Variants in MLXIPL observed in about 807,000 individuals in gnomAD.
The protein encoded by MLXIPL is MLX interacting protein like, also known as carbohydrate-responsive element-binding protein.
MLXIPL carries 49 observed loss-of-function variants against 81.5 expected under a neutral mutation model. The ratio of observed to expected loss-of-function variants is 0.60; its 90% CI spans 0.48 to 0.76. MLXIPL has a LOEUF of 0.76. Ranked by LOEUF, MLXIPL falls within the 30% of genes least tolerant of loss-of-function variation. The pLI is 0.00. For missense variants in MLXIPL, 1,053 were observed against 1,167.0 expected, an observed-to-expected ratio of 0.90 and a Z score of 1.42; for synonymous variants, 466 against 485.5, an observed-to-expected ratio of 0.96 and a Z score of 0.53.
At chr7:73,606,412 T>C in intron 5 of MLXIPL, 1 of 461,004 alleles carries the variant, frequency 2.2e-6, no homozygotes, top group Non-Finnish European at 3.8e-6. Flanking sequence ...TTTTTGTTTG[T>C]TTTCTTTTTC....
At chr7:73,647,413 C>T in the MLXIPL span, among the ~76,000 whole-genome samples, 66 of 152,292 alleles carry the variant, frequency 4.3e-4, no homozygotes, top group African/African-American at 1.5e-3. Flanking sequence ...CCTCCTGACT[C>T]CCTGGGCCCC....
the MLXIPL span, among the ~76,000 whole-genome samples, chr7:73,633,204 C>T: frequency 4.6e-5 from 7 of 151,558 alleles, no homozygotes; most frequent in Non-Finnish European, 1.0e-4. Context: ...CCTCAGCCTC[C>T]CGAGTAGCTG....
intron 15 of MLXIPL, among the ~76,000 whole-genome samples, chr7:73,595,049 T>C (rs1794162596): frequency 6.6e-6 from 1 of 152,138 alleles, no homozygotes; most frequent in East Asian, 1.9e-4. Context: ...TTTTGCCATG[T>C]TGGCCAGTCT....
chr7:73,595,761 C>T lies in MLXIPL; in HGVS notation c.2187-1G>A, dbSNP rs1794230774. ...GGCGGGCAGCTGCTGCTGGCACAGG[C>T]TGGGGGCAGGGCAGGGGTCAGGGGC... On this transcript the variant is annotated splice_acceptor_variant, in intron 14 of 16. Transcript: ENST00000313375. LOFTEE classifies it high-confidence loss of function. 6.3e-7 allele frequency: 1 copy of T among 1,593,134 alleles called. No individual in the cohort carries two copies. The highest frequency in any genetic ancestry group is 1.1e-5 in the South Asian group (1 of 89,170).
At chr7:73,644,848 A>G in the MLXIPL span, among the ~76,000 whole-genome samples, 1 of 152,148 alleles carries the variant, frequency 6.6e-6, no homozygotes, top group African/African-American at 2.4e-5. Context: ...CCCCTGCTGG[A>G]TAACTGGCCC....
the MLXIPL span, among the ~76,000 whole-genome samples, chr7:73,645,411 G>T: frequency 6.6e-6 from 1 of 152,080 alleles, no homozygotes; most frequent in East Asian, 1.9e-4. Flanking sequence ...CTTGTTGGGG[G>T]CCCCCTTCTC....
chr7:73,606,378 G>T, intron 5 of MLXIPL: 3 of 521,504 alleles, frequency 5.8e-6, no homozygotes, highest in Non-Finnish European at 6.8e-6. Flanking sequence ...TGGGACCCCA[G>T]TTCTTTGGTC....
At chr7:73,616,298 T>G (rs901046415) in intron 1 of MLXIPL, 121 bp from the exon 2 acceptor site, 3 of 860,810 alleles carry the variant, frequency 3.5e-6, no homozygotes, top group African/African-American at 1.6e-5. Flanking sequence ...CCTCCAAATC[T>G]GGCCCCCCAA....
intron 15 of MLXIPL, among the ~76,000 whole-genome samples, chr7:73,595,068 A>T (rs1554593184): frequency 6.8e-6 from 1 of 147,856 alleles, no homozygotes; most frequent in African/African-American, 2.5e-5. Flanking sequence ...CTGGTCTTGA[A>T]CTCCTGGCCT....
the MLXIPL span, among the ~76,000 whole-genome samples, chr7:73,633,941 G>A: frequency 2.0e-5 from 3 of 152,262 alleles, no homozygotes; most frequent in South Asian, 2.1e-4. Flanking sequence ...TCAGGCCTAC[G>A]GAAGGACTTG....
the MLXIPL span, among the ~76,000 whole-genome samples, chr7:73,645,787 G>C: frequency 1.3e-5 from 2 of 152,162 alleles, no homozygotes; most frequent in African/African-American, 4.8e-5. Context: ...TTGGAGCCAA[G>C]ATGCTTGGGT....
chr7:73,601,174 CAA>C (rs1794787692), intron 7 of MLXIPL, among the ~76,000 whole-genome samples: 1 of 114,626 alleles, frequency 8.7e-6, no homozygotes, highest in Non-Finnish European at 1.9e-5. Flanking sequence ...ACTGCAGGGT[CAA>C]GTGTGTGTGT....
intron 7 of MLXIPL, among the ~76,000 whole-genome samples, chr7:73,600,011 C>T (rs1259980618): frequency 6.6e-6 from 1 of 151,984 alleles, no homozygotes; most frequent in African/African-American, 2.4e-5. Flanking sequence ...CCCCTCCCCA[C>T]CCCCTGGTGG....
At chr7:73,644,937 G>C in the MLXIPL span, among the ~76,000 whole-genome samples, 6 of 152,178 alleles carry the variant, frequency 3.9e-5, no homozygotes, top group Non-Finnish European at 8.8e-5. Flanking sequence ...CTCGCCCAAA[G>C]TCACACTGCT....
chr7:73,602,412 T>C (rs1415242391), intron 7 of MLXIPL, among the ~76,000 whole-genome samples: 2 of 151,178 alleles, frequency 1.3e-5, no homozygotes, highest in African/African-American at 4.9e-5. Context: ...GGCTCACGCC[T>C]GTAATCCCAG....
Position 73,595,896 on chromosome 7 carries a change from T to C in MLXIPL, c.2132A>G (p.Gln711Arg). 1 of 1,613,014 alleles carries C rather than the reference T, an allele frequency of 6.2e-7. No homozygotes were observed. The highest frequency in any genetic ancestry group is 8.5e-7 in the Non-Finnish European group (1 of 1,179,808). ...LMLQQERAGL[Q>R]EEAQQLRDEI... ...ATCCCGCAGCTGCTGGGCCTCCTCCTGCAAGCCCGCACGCTCCTGCTGTAG... is the reference window on the plus strand; with the variant it reads ...ATCCCGCAGCTGCTGGGCCTCCTCCCGCAAGCCCGCACGCTCCTGCTGTAG... The change falls in exon 14 of 17, where the codon CAG becomes CGG. Residue 711 changes from glutamine to arginine, a missense_variant. Gln to Arg is a conservative substitution (Grantham distance 43). Around this residue, in one of 3 missense-constraint regions of MLXIPL, gnomAD observed 823 missense variants for 933.0 expected, o/e 0.88. Transcript: ENST00000313375.
Position 73,593,274 on chromosome 7 carries a change from CAT to C in MLXIPL, c.*589_*590del, listed in dbSNP as rs72649009. 3,405 of 179,252 alleles carry C rather than the reference CAT, an allele frequency of 0.019. 49 individuals carry two copies. The highest frequency in any genetic ancestry group is 0.029 in the Non-Finnish European group (2,413 of 83,756). The allele number at this position is 179,252 out of a possible 1,614,324, so 11.1% of individuals were successfully genotyped here. On this transcript the variant is annotated 3_prime_UTR_variant, in exon 17 of 17. Transcript: ENST00000313375. ...ACACACATCCACACACACACACACA[CAT>C]GATGCCTGCCCTGCTGTGGTCACTC...
chr7:73,612,556 C>T (rs72649035), intron 2 of MLXIPL, among the ~76,000 whole-genome samples: 6,070 of 151,256 alleles, frequency 0.04, 169 homozygotes, highest in Non-Finnish European at 0.062. Context: ...GCAGGAGAAT[C>T]GCTTGAACCC....
At chr7:73,609,029 G>A (rs900759540) in intron 2 of MLXIPL, among the ~76,000 whole-genome samples, 3 of 151,618 alleles carry the variant, frequency 2.0e-5, no homozygotes, top group East Asian at 2.0e-4. Flanking sequence ...GGCTGGTCTC[G>A]AACTCCTGAG....
Sources: allele counts gnomAD v4.1 joint callset (sites outside exome capture counted in the v4.1 genomes callset), GRCh38; gene constraint gnomAD v4.1.1; regional missense constraint gnomAD v4.1.1; transcripts MANE v1.5; gene names NCBI Gene and HGNC (gene_info 2026-07-23, HGNC 2026-07-21).